RPS6KC1: variants seen among roughly 807,000 people sequenced by gnomAD.
The protein encoded by RPS6KC1 is ribosomal protein S6 kinase C1, also known as inactive ribosomal protein S6 kinase delta-1.
A neutral mutation model predicts 103.8 loss-of-function variants in RPS6KC1; 54 were observed. The observed-to-expected ratio is 0.52, with a 90% CI of 0.42 to 0.65. RPS6KC1 has a LOEUF of 0.65. Ranked by LOEUF, RPS6KC1 falls within the 30% of genes least tolerant of loss-of-function variation. The pLI, the probability that RPS6KC1 is intolerant of heterozygous loss-of-function variation, is 0.00. For missense variants in RPS6KC1, 1,151 were observed against 1,253.8 expected (o/e 0.92, Z 1.24); for synonymous variants, 439 against 438.7 (o/e 1.00, Z -0.01).
chr1:213,431,279 T>A, the RPS6KC1 span, among the ~76,000 whole-genome samples: 1 of 152,244 alleles, frequency 6.6e-6, no homozygotes, highest in African/African-American at 2.4e-5. Flanking sequence ...TAGATTTTTT[T>A]AATGAGATTT....
At chr1:213,359,177 A>G in the RPS6KC1 span, among the ~76,000 whole-genome samples, 1 of 152,010 alleles carries the variant, frequency 6.6e-6, no homozygotes, top group African/African-American at 2.4e-5. Flanking sequence ...CCCATTATTA[A>G]TGTGTGGGAG....
the RPS6KC1 span, among the ~76,000 whole-genome samples, chr1:213,634,471 G>A: frequency 6.6e-6 from 1 of 152,220 alleles, no homozygotes; most frequent in African/African-American, 2.4e-5. Flanking sequence ...ATCTGCTCCT[G>A]AATGACTATT....
At chr1:213,677,113 C>T in the RPS6KC1 span, among the ~76,000 whole-genome samples, 4 of 152,160 alleles carry the variant, frequency 2.6e-5, no homozygotes, top group Non-Finnish European at 5.9e-5. Context: ...AATGACAACT[C>T]GACATGCCCC....
At chr1:213,312,251 A>AGG in the RPS6KC1 span, among the ~76,000 whole-genome samples, 68 of 151,770 alleles carry the variant, frequency 4.5e-4, 1 homozygote, top group East Asian at 3.1e-3. Flanking sequence ...CTCCCAGTGC[A>AGG]GGGGGGGCAA....
chr1:213,117,540 T>G, intron 5 of RPS6KC1, 130 bp downstream of exon 5: 1 of 530,086 alleles, frequency 1.9e-6, no homozygotes, highest in Non-Finnish European at 3.3e-6. Context: ...GATGCTTTTT[T>G]TCTTTACATT....
At chr1:213,704,482 A>T in the RPS6KC1 span, among the ~76,000 whole-genome samples, 1 of 150,138 alleles carries the variant, frequency 6.7e-6, no homozygotes, top group African/African-American at 2.4e-5. Flanking sequence ...CTTTTAAAGT[A>T]TTTCAATCTC....
At chr1:213,212,484 G>A (rs1213496286) in intron 8 of RPS6KC1, among the ~76,000 whole-genome samples, 1 of 152,078 alleles carries the variant, frequency 6.6e-6, no homozygotes, top group African/African-American at 2.4e-5. Context: ...TTCACCTATT[G>A]AAGGATGTTT....
chr1:213,641,421 T>C, the RPS6KC1 span, among the ~76,000 whole-genome samples: 8 of 152,072 alleles, frequency 5.3e-5, no homozygotes, highest in Admixed American at 2.6e-4. Context: ...AGTGGGTAAA[T>C]TGGTTATTAG....
chr1:213,212,210 T>G (rs966776297), intron 8 of RPS6KC1, among the ~76,000 whole-genome samples: 1 of 152,188 alleles, frequency 6.6e-6, no homozygotes, highest in Non-Finnish European at 1.5e-5. Context: ...TTCACTACCC[T>G]AAAAATCTCT....
the RPS6KC1 span, among the ~76,000 whole-genome samples, chr1:213,286,638 A>C: frequency 2.0e-5 from 3 of 152,250 alleles, no homozygotes; most frequent in Non-Finnish European, 4.4e-5. Context: ...TGAGTATCCA[A>C]ATAATGAGAG....
the RPS6KC1 span, among the ~76,000 whole-genome samples, chr1:213,807,930 A>G: frequency 6.6e-6 from 1 of 151,966 alleles, no homozygotes; most frequent in African/African-American, 2.4e-5. Flanking sequence ...GTCTTTGATG[A>G]TGGTGATGTA....
chr1:213,117,184 G>A, intron 4 of RPS6KC1, 133 bp from the exon 5 acceptor site: 1 of 505,844 alleles, frequency 2.0e-6, no homozygotes, highest in South Asian at 3.1e-5. Flanking sequence ...GAAAACACTT[G>A]TCATCTAGTT....
At chr1:213,372,362 G>A in the RPS6KC1 span, among the ~76,000 whole-genome samples, 1 of 152,196 alleles carries the variant, frequency 6.6e-6, no homozygotes. Context: ...TATCAGGCAG[G>A]AATGCAGGTG....
chr1:213,290,316 G>A, the RPS6KC1 span, among the ~76,000 whole-genome samples: 1 of 152,146 alleles, frequency 6.6e-6, no homozygotes, highest in South Asian at 2.1e-4. Flanking sequence ...ACCTTTTACT[G>A]TTCTCTCCTG....
the RPS6KC1 span, among the ~76,000 whole-genome samples, chr1:213,342,955 C>G: frequency 1.3e-5 from 2 of 151,992 alleles, no homozygotes; most frequent in Admixed American, 1.3e-4. Context: ...TGAGACCAGC[C>G]TGGGCAACAT....
At chr1:213,305,062 G>A in the RPS6KC1 span, among the ~76,000 whole-genome samples, 1 of 152,022 alleles carries the variant, frequency 6.6e-6, no homozygotes, top group Non-Finnish European at 1.5e-5. Context: ...CCCAGAACCT[G>A]TCTTTGGGAA....
the RPS6KC1 span, among the ~76,000 whole-genome samples, chr1:213,643,013 T>C: frequency 7.9e-5 from 12 of 151,906 alleles, no homozygotes; most frequent in African/African-American, 2.9e-4. Context: ...AGAGCTATAT[T>C]TTATTTCATT....
At chr1:213,726,859 G>T in the RPS6KC1 span, among the ~76,000 whole-genome samples, 1 of 152,338 alleles carries the variant, frequency 6.6e-6, no homozygotes, top group East Asian at 1.9e-4. Flanking sequence ...GAGCACAGAA[G>T]GTTAGAATAG....
At chr1:213,201,562 A>C (rs2093164403) in intron 8 of RPS6KC1, among the ~76,000 whole-genome samples, 1 of 152,198 alleles carries the variant, frequency 6.6e-6, no homozygotes, top group Admixed American at 6.5e-5. Flanking sequence ...AGCAAGATAG[A>C]ACCCTAATAG....
Sources: gnomAD v4.1 joint callset for allele counts (sites outside exome capture counted in the v4.1 genomes callset) on GRCh38, gnomAD v4.1.1 for gene constraint, MANE v1.5 for transcripts, NCBI Gene and HGNC (gene_info 2026-07-23, HGNC 2026-07-21) for gene names.